Variants in STXBP5L observed in about 807,000 individuals in gnomAD.
STXBP5L encodes the protein syntaxin-binding protein 5-like.
In STXBP5L, 65 loss-of-function variants were observed where a neutral mutation model predicts 144.5. The observed-to-expected ratio is 0.45, with a 90% CI of 0.37 to 0.55. The LOEUF (loss-of-function observed/expected upper bound fraction) is 0.55, where lower values mean the gene tolerates loss of function less well. Among genes scored for constraint, STXBP5L ranks in the 20% least tolerant of loss-of-function variants. The pLI is 0.00. For missense variants in STXBP5L, 1,298 were observed against 1,405.5 expected (o/e 0.92, Z 1.22); for synonymous variants, 505 against 469.6 (o/e 1.08, Z -0.97).
At chr3:120,930,850 C>T (rs1321020474) in intron 2 of STXBP5L, among the ~76,000 whole-genome samples, 1 of 151,732 alleles carries the variant, frequency 6.6e-6, no homozygotes, top group Non-Finnish European at 1.5e-5. Context: ...CCCTCTTCCA[C>T]TGAATGTGGT....
intron 14 of STXBP5L, among the ~76,000 whole-genome samples, chr3:121,247,995 T>TG (rs2049910595): frequency 6.6e-6 from 1 of 152,246 alleles, no homozygotes; most frequent in African/African-American, 2.4e-5. Context: ...ACTATTTGAC[T>TG]TTTTAATAAT....
intron 5 of STXBP5L, among the ~76,000 whole-genome samples, chr3:121,047,267 C>T (rs988682718): frequency 1.3e-5 from 2 of 151,770 alleles, no homozygotes; most frequent in African/African-American, 4.8e-5. Context: ...TGTTTTATGT[C>T]CAATTGTGTG....
chr3:121,207,597 A>C (rs1224558918), intron 10 of STXBP5L, among the ~76,000 whole-genome samples: 1 of 152,212 alleles, frequency 6.6e-6, no homozygotes, highest in Non-Finnish European at 1.5e-5. Context: ...ACAAAGGGCT[A>C]ATATCCAGAA....
chr3:120,998,188 C>T (rs775791802), intron 3 of STXBP5L, among the ~76,000 whole-genome samples: 1 of 152,094 alleles, frequency 6.6e-6, no homozygotes, highest in Non-Finnish European at 1.5e-5. Context: ...AAATGTGCCC[C>T]CTTTTACCAC....
intron 9 of STXBP5L, among the ~76,000 whole-genome samples, chr3:121,164,074 C>T (rs2046415396): frequency 6.6e-6 from 1 of 152,048 alleles, no homozygotes; most frequent in African/African-American, 2.4e-5. Flanking sequence ...TTTCATCACT[C>T]CCCCCAAAAA....
chr3:121,261,795 T>A (rs1202016915), intron 18 of STXBP5L, among the ~76,000 whole-genome samples: 2 of 152,180 alleles, frequency 1.3e-5, no homozygotes, highest in African/African-American at 2.4e-5. Context: ...GCAAATATGC[T>A]CTATGGTGAA....
chr3:121,095,617 G>T (rs1457180744), intron 5 of STXBP5L, among the ~76,000 whole-genome samples: 1 of 152,120 alleles, frequency 6.6e-6, no homozygotes, highest in Non-Finnish European at 1.5e-5. Flanking sequence ...TAGTTCTCAT[G>T]CCATGGTTTT....
At chr3:120,908,800 G>A (rs1708669158) in intron 1 of STXBP5L, among the ~76,000 whole-genome samples, 1 of 150,882 alleles carries the variant, frequency 6.6e-6, no homozygotes, top group African/African-American at 2.4e-5. Flanking sequence ...TGCGGGCAGA[G>A]GTGGAGGGAG....
intron 5 of STXBP5L, among the ~76,000 whole-genome samples, chr3:121,098,778 T>G (rs2043264813): frequency 6.6e-6 from 1 of 152,170 alleles, no homozygotes; most frequent in Admixed American, 6.5e-5. Flanking sequence ...ACTCTGGCCA[T>G]TGTTCCCTAC....
rs550348413 is a variant in STXBP5L at position 121,398,122 on chromosome 3, T to C, written c.2588-9121T>C. Among the ~76,000 whole-genome samples, 12 of 152,368 alleles carry C rather than the reference T, an allele frequency of 7.9e-5. No homozygotes were observed. In the South Asian group the frequency reaches 2.5e-3, roughly 32 times the overall value. On this transcript the variant is annotated intron_variant, in intron 22 of 26. Transcript: ENST00000471454. ...TACGGCACAATCAGGAGCTGTGCCA[T>C]GTGCTCTCCTGGCTCTGCCTTCCAG...
At chr3:121,087,121 T>G (rs1479739792) in intron 5 of STXBP5L, among the ~76,000 whole-genome samples, 1 of 152,118 alleles carries the variant, frequency 6.6e-6, no homozygotes, top group Admixed American at 6.6e-5. Flanking sequence ...CATCTTTGTG[T>G]ATGTTCTGTG....
At chr3:121,388,405 A>T (rs2046484711) in intron 22 of STXBP5L, among the ~76,000 whole-genome samples, 1 of 152,164 alleles carries the variant, frequency 6.6e-6, no homozygotes, top group Non-Finnish European at 1.5e-5. Context: ...CTCTTGCCGG[A>T]TTGCCCTGGC....
chr3:121,387,360 G>A (rs1183424132), intron 22 of STXBP5L, among the ~76,000 whole-genome samples: 1 of 152,200 alleles, frequency 6.6e-6, no homozygotes, highest in African/African-American at 2.4e-5. Flanking sequence ...TAGGTTGCCT[G>A]TTCACTCTGA....
rs9816742 is a variant in STXBP5L at position 121,027,708 on chromosome 3, A to G, written c.288-13992A>G. Reference sequence around the variant, plus strand: ...TGAGCCCACCTGAATAATCCAAGATAATCTCCCCATCTCATGGTCAGCCAA... The same window carrying G: ...TGAGCCCACCTGAATAATCCAAGATGATCTCCCCATCTCATGGTCAGCCAA... On this transcript the variant is annotated intron_variant, in intron 3 of 26. Coordinates refer to ENST00000471454, the MANE Select transcript of STXBP5L (RefSeq NM_001308330.2). Among the ~76,000 whole-genome samples, 962 of 151,994 alleles carry G rather than the reference A, an allele frequency of 6.3e-3. 7 individuals are homozygous for G. The highest frequency in any genetic ancestry group is 0.02 in the African/African-American group (845 of 41,474).
intron 5 of STXBP5L, among the ~76,000 whole-genome samples, chr3:121,096,421 C>T (rs1484524998): frequency 6.6e-6 from 1 of 152,174 alleles, no homozygotes; most frequent in Non-Finnish European, 1.5e-5. Context: ...GTGATTCTTT[C>T]GTGGAGAAGA....
At chr3:121,045,338 T>G in intron 4 of STXBP5L, 97 bp from the exon 5 acceptor site, 1 of 1,058,462 alleles carries the variant, frequency 9.4e-7, no homozygotes, top group Non-Finnish European at 1.4e-6. Flanking sequence ...AAAGTAACTC[T>G]TCAGGTAGTA....
intron 22 of STXBP5L, among the ~76,000 whole-genome samples, chr3:121,386,172 C>T (rs895031380): frequency 1.3e-5 from 2 of 151,984 alleles, no homozygotes; most frequent in Non-Finnish European, 2.9e-5. Flanking sequence ...ATAATAAAGG[C>T]CTCATACACA....
chr3:120,939,679 C>G (rs567430368), intron 2 of STXBP5L, among the ~76,000 whole-genome samples: 1 of 152,270 alleles, frequency 6.6e-6, no homozygotes, highest in East Asian at 1.9e-4. Context: ...GATAACTAAT[C>G]TTTTTCAATC....
At chr3:121,335,258 A>C (rs1385061810) in intron 20 of STXBP5L, among the ~76,000 whole-genome samples, 16 of 152,180 alleles carry the variant, frequency 1.1e-4, no homozygotes, top group Admixed American at 1.0e-3. Context: ...AAGGAAGGTG[A>C]AAGATCTCTA....
Sources: gnomAD v4.1 joint callset for allele counts (sites outside exome capture counted in the v4.1 genomes callset) on GRCh38, gnomAD v4.1.1 for gene constraint, MANE v1.5 for transcripts, NCBI Gene and HGNC (gene_info 2026-07-23, HGNC 2026-07-21) for gene names.